SNAP25: variants seen among roughly 807,000 people sequenced by gnomAD.
SNAP25 encodes the protein synaptosome associated protein 25.
SNAP25 carries 3 observed loss-of-function variants against 28.7 expected under a neutral mutation model. The ratio of observed to expected loss-of-function variants is 0.10; its 90% CI spans 0.05 to 0.27. SNAP25 has a LOEUF of 0.27. Ranked by LOEUF, SNAP25 falls within the 10% of genes least tolerant of loss-of-function variation. The pLI is 1.00. For missense variants in SNAP25, 117 were observed against 278.7 expected (o/e 0.42, Z 4.13); for synonymous variants, 61 against 88.1 (o/e 0.69, Z 1.72).
rs1023932042 is a variant in SNAP25, at chr20:10,288,331, C to G, written c.163+3559C>G. On this transcript the variant is annotated intron_variant, in intron 4 of 7. Transcript: ENST00000254976. ...GGAAAGATTTAGAATAGAGCCTTTTCCCCCCGAACAATAAAGCAGTGACAT... is the reference window on the plus strand; with the variant it reads ...GGAAAGATTTAGAATAGAGCCTTTTGCCCCCGAACAATAAAGCAGTGACAT... Among the ~76,000 whole-genome samples, 3 of 151,754 alleles carry G rather than the reference C, an allele frequency of 2.0e-5. No homozygotes were observed. In the South Asian group the frequency reaches 6.3e-4, roughly 32 times the overall value.
intron 1 of SNAP25, among the ~76,000 whole-genome samples, chr20:10,274,156 G>T (rs1177425265): frequency 6.6e-6 from 1 of 152,058 alleles, no homozygotes; most frequent in Non-Finnish European, 1.5e-5. Flanking sequence ...GAGGAAGGAG[G>T]GCTCTCTCCG....
At chr20:10,245,106 G>T (rs901848114) in intron 1 of SNAP25, among the ~76,000 whole-genome samples, 3 of 152,142 alleles carry the variant, frequency 2.0e-5, no homozygotes, top group Admixed American at 6.5e-5. Context: ...GAGCTGAGGT[G>T]TTTGGAAAGA....
intron 3 of SNAP25, among the ~76,000 whole-genome samples, chr20:10,278,299 C>T (rs923123130): frequency 2.6e-5 from 4 of 152,108 alleles, no homozygotes; most frequent in African/African-American, 9.7e-5. Context: ...TTTTATATTC[C>T]TGCCTGGATT....
chr20:10,303,233 C>A (rs1196171387), intron 7 of SNAP25, among the ~76,000 whole-genome samples: 2 of 152,064 alleles, frequency 1.3e-5, no homozygotes, highest in East Asian at 1.9e-4. Context: ...GGCTTAAGAA[C>A]CAAGTAAAAT....
chr20:10,297,736 T>C (rs1003552052), intron 6 of SNAP25, among the ~76,000 whole-genome samples: 5 of 152,178 alleles, frequency 3.3e-5, no homozygotes, highest in Non-Finnish European at 7.3e-5. Flanking sequence ...CCCTCACTCC[T>C]CTTGCCCTGC....
intron 3 of SNAP25, among the ~76,000 whole-genome samples, chr20:10,283,864 A>G (rs2063825435): frequency 6.6e-6 from 1 of 152,212 alleles, no homozygotes; most frequent in Admixed American, 6.5e-5. Flanking sequence ...TAGGCTTTCT[A>G]GAAATGAGGA....
chr20:10,260,906 T>C (rs1338528528), intron 1 of SNAP25, among the ~76,000 whole-genome samples: 2 of 152,212 alleles, frequency 1.3e-5, no homozygotes, highest in Non-Finnish European at 2.9e-5. Flanking sequence ...ACACTAATAG[T>C]AGCTATCTCA....
Position 10,301,880 on chromosome 20 carries a change from A to AAT in SNAP25, c.552+2477_552+2478dup, listed in dbSNP as rs367823352. Among the ~76,000 whole-genome samples, 143 of 144,248 alleles carry AAT rather than the reference A, an allele frequency of 9.9e-4. 1 individual carries two copies. The highest frequency in any genetic ancestry group is 3.6e-3 in the Middle Eastern group (1 of 278). 94.6% of individuals were successfully genotyped at this position (144,248 alleles called of 152,430 possible). On this transcript the variant is annotated intron_variant, in intron 7 of 7. Transcript: ENST00000254976. The stretch of plus-strand genomic sequence containing the variant: ...TAACTATATATATTATATAATATAT[A>AAT]ATATATATATTATATGTATATGGTT...
intron 1 of SNAP25, among the ~76,000 whole-genome samples, chr20:10,272,848 A>G (rs1035548048): frequency 2.0e-5 from 3 of 152,176 alleles, no homozygotes; most frequent in African/African-American, 7.2e-5. Flanking sequence ...CTCAGATTCC[A>G]TATTTGTTGC....
At chr20:10,269,325 C>G (rs112049900) in intron 1 of SNAP25, among the ~76,000 whole-genome samples, 4,001 of 152,184 alleles carry the variant, frequency 0.026, 191 homozygotes, top group African/African-American at 0.088. Flanking sequence ...GCACTTGAAC[C>G]CGGGAGGTGG....
At position 10,266,918 on chromosome 20, in the gene SNAP25, G is replaced by A. The variant is rs563414819; in HGVS notation, c.-63-8511G>A. Among the ~76,000 whole-genome samples, 11 of 152,180 alleles carry A rather than the reference G, an allele frequency of 7.2e-5. No individual in the cohort carries two copies. The East Asian group carries it at 2.1e-3, about 29-fold the overall frequency. On this transcript the variant is annotated intron_variant, in intron 1 of 7. Coordinates refer to ENST00000254976, the MANE Select transcript of SNAP25 (RefSeq NM_130811.4). ...ACTTTCCTTTTCTGCTTGATTTGAT[G>A]TCAATAGGTAGGTAGTTAGAGTCAA...
intron 1 of SNAP25, among the ~76,000 whole-genome samples, chr20:10,275,114 T>TAA (rs60268842): frequency 1.3e-5 from 2 of 151,200 alleles, no homozygotes; most frequent in Admixed American, 6.6e-5. Context: ...AATAAATAAA[T>TAA]GTGATGATAA....
intron 3 of SNAP25, among the ~76,000 whole-genome samples, chr20:10,280,123 C>G (rs1399566581): frequency 6.6e-6 from 1 of 152,170 alleles, no homozygotes; most frequent in Non-Finnish European, 1.5e-5. Context: ...AATTCAGTCT[C>G]AAAGACAGGA....
At position 10,275,430 on chromosome 20, in the gene SNAP25, T is replaced by G. The variant is rs2063674277; in HGVS notation, c.-62T>G. The G allele has an allele frequency of 1.1e-5, 16 of 1,473,032 alleles. No homozygotes were observed. Among genetic ancestry groups the G allele is most frequent in the Non-Finnish European group, 1.5e-5 (16 of 1,078,874 alleles). The allele number at this position is 1,473,032 out of a possible 1,614,324, so 91.2% of individuals were successfully genotyped here. A position where few individuals can be genotyped will look rare whatever the true frequency, so the allele number is the denominator to read the frequency against. Reference sequence around the variant, plus strand: ...ATTTTCATATCTACTTCTTCCCAGGTCCAGAGCCAAACCCGTCACTGACCC... The same window carrying G: ...ATTTTCATATCTACTTCTTCCCAGGGCCAGAGCCAAACCCGTCACTGACCC... On this transcript the variant is annotated splice_region_variant and 5_prime_UTR_variant, in exon 2 of 8. Transcript: ENST00000254976.
chr20:10,286,624 A>C (rs1388716544), intron 4 of SNAP25, among the ~76,000 whole-genome samples: 2 of 152,312 alleles, frequency 1.3e-5, no homozygotes, highest in Admixed American at 1.3e-4. Context: ...GGCAGCCTAC[A>C]TAGGTGCACA....
chr20:10,251,035 C>T, intron 1 of SNAP25, among the ~76,000 whole-genome samples: 1 of 152,090 alleles, frequency 6.6e-6, no homozygotes, highest in East Asian at 1.9e-4. Flanking sequence ...AGAAGGTATC[C>T]CCATCGTTAA....
chr20:10,282,121 C>G, intron 3 of SNAP25, among the ~76,000 whole-genome samples: 1 of 136,618 alleles, frequency 7.3e-6, no homozygotes, highest in Non-Finnish European at 1.5e-5. Flanking sequence ...AGAGTAGAGG[C>G]TCAATAAACA....
chr20:10,265,779 G>A (rs988190319), intron 1 of SNAP25, among the ~76,000 whole-genome samples: 6 of 152,108 alleles, frequency 3.9e-5, no homozygotes, highest in African/African-American at 1.2e-4. Context: ...CCCCAAGGTG[G>A]GAACTCCACC....
At chr20:10,234,000 T>C (rs1300718406) in intron 1 of SNAP25, among the ~76,000 whole-genome samples, 2 of 152,158 alleles carry the variant, frequency 1.3e-5, no homozygotes, top group Non-Finnish European at 2.9e-5. Context: ...CAGGCGAAGT[T>C]CCCTTAATCA....
Sources: gnomAD v4.1 joint callset for allele counts (sites outside exome capture counted in the v4.1 genomes callset) on GRCh38, gnomAD v4.1.1 for gene constraint, MANE v1.5 for transcripts, NCBI Gene and HGNC (gene_info 2026-07-23, HGNC 2026-07-21) for gene names.